DTWD2: variants seen among roughly 807,000 people sequenced by gnomAD.
DTWD2 encodes the protein DTW motif tRNA-uridine aminocarboxypropyltransferase 2.
DTWD2 carries 39 observed loss-of-function variants against 31.8 expected under a neutral mutation model. That is an observed-to-expected ratio of 1.22 (90% CI 0.95 to 1.60). DTWD2 has a LOEUF of 1.60. DTWD2 is among the 40% of genes most tolerant of loss of function. The pLI, the probability that DTWD2 is intolerant of heterozygous loss-of-function variation, is 0.00. For synonymous variants in DTWD2, 180 were observed against 142.8 expected, an observed-to-expected ratio of 1.26 and a Z score of -1.86; for missense variants, 515 against 381.5, an observed-to-expected ratio of 1.35 and a Z score of -2.92.
intron 1 of DTWD2, among the ~76,000 whole-genome samples, chr5:118,977,302 C>G (rs528863497): frequency 8.7e-4 from 132 of 152,286 alleles, no homozygotes; most frequent in African/African-American, 2.7e-3. Flanking sequence ...TCTCTCACCA[C>G]TGCTATTCAA....
At position 118,870,932 on chromosome 5, in the gene DTWD2, C is replaced by T. The variant is rs1002018940; in HGVS notation, c.598-22714G>A. ...TAATATTCTAAATCTTATATAATAACTTATATAATATATAATGTACATATA... is the reference window on the plus strand; with the variant it reads ...TAATATTCTAAATCTTATATAATAATTTATATAATATATAATGTACATATA... On this transcript the variant is annotated intron_variant, in intron 4 of 5. Coordinates refer to ENST00000510708, the MANE Select transcript of DTWD2 (RefSeq NM_173666.4). Among the ~76,000 whole-genome samples, 3 of 149,090 alleles carry T rather than the reference C, an allele frequency of 2.0e-5. 1 individual carries two copies. In the Admixed American group the frequency reaches 2.0e-4, roughly 10 times the overall value.
intron 1 of DTWD2, among the ~76,000 whole-genome samples, chr5:118,947,621 T>C (rs890464844): frequency 6.6e-5 from 10 of 152,090 alleles, no homozygotes; most frequent in Non-Finnish European, 4.4e-5. Flanking sequence ...GAACGGGCCA[T>C]GTGTGGTTTT....
At chr5:118,950,428 C>T (rs1466172808) in intron 1 of DTWD2, among the ~76,000 whole-genome samples, 2 of 152,092 alleles carry the variant, frequency 1.3e-5, no homozygotes, top group Non-Finnish European at 2.9e-5. Context: ...CCTCAAGCGC[C>T]TGTGATGGTC....
At chr5:118,900,893 C>G (rs1334678304) in intron 4 of DTWD2, among the ~76,000 whole-genome samples, 1 of 151,148 alleles carries the variant, frequency 6.6e-6, no homozygotes, top group African/African-American at 2.4e-5. Context: ...CCACTGCCCT[C>G]CAGCCTGGGC....
At chr5:118,899,684 T>C (rs773121157) in intron 4 of DTWD2, among the ~76,000 whole-genome samples, 3 of 152,154 alleles carry the variant, frequency 2.0e-5, no homozygotes, top group Admixed American at 6.6e-5. Context: ...ATTCCTGTCA[T>C]TATGCCCTCC....
intron 1 of DTWD2, among the ~76,000 whole-genome samples, chr5:118,954,787 C>T (rs1389746771): frequency 6.6e-6 from 1 of 152,160 alleles, no homozygotes; most frequent in African/African-American, 2.4e-5. Flanking sequence ...TCCCAAAGTG[C>T]TGAAGTTACA....
chr5:118,945,774 A>AAAAAGAAAG (rs1336464124), intron 1 of DTWD2, among the ~76,000 whole-genome samples: 2 of 134,260 alleles, frequency 1.5e-5, no homozygotes, highest in African/African-American at 5.7e-5. Context: ...CAAAAAAAAA[A>AAAAAGAAAG]AAAGAAAGAA....
At position 118,892,920 on chromosome 5, in the gene DTWD2, C is replaced by T. The variant is rs574508618; in HGVS notation, c.597+35617G>A. ...AACTGGTTGAATAACTGTAGTTTAT[C>T]CACTTACAGAATGTAAGAAAGAATA... On this transcript the variant is annotated intron_variant, in intron 4 of 5. Coordinates refer to ENST00000510708, the MANE Select transcript of DTWD2 (RefSeq NM_173666.4). 3.3e-5 allele frequency among the ~76,000 whole-genome samples: 5 copies of T among 151,958 alleles called. No homozygotes were observed. The East Asian group carries it at 7.7e-4, about 23-fold the overall frequency.
rs192332313 is a variant in DTWD2, at chr5:118,903,499, G to A, written c.597+25038C>T. Among the ~76,000 whole-genome samples, 105 of 151,970 alleles carry A rather than the reference G, an allele frequency of 6.9e-4. 3 individuals are homozygous for A. Among genetic ancestry groups the A allele is most frequent in the Admixed American group, 1.4e-3 (22 of 15,264 alleles). ...TTAAAGGGTTGAAAATATTCCAATT[G>A]CACACAGTGAAAATTAAATTATGCT... On this transcript the variant is annotated intron_variant, in intron 4 of 5. Coordinates refer to ENST00000510708, the MANE Select transcript of DTWD2 (RefSeq NM_173666.4).
chr5:118,891,562 C>T (rs904007664), intron 4 of DTWD2, among the ~76,000 whole-genome samples: 4 of 152,194 alleles, frequency 2.6e-5, no homozygotes, highest in African/African-American at 9.6e-5. Context: ...GAATAATGTA[C>T]TCCTCTGAAA....
chr5:118,985,619 T>C (rs1561483214), intron 1 of DTWD2, among the ~76,000 whole-genome samples: 1 of 151,318 alleles, frequency 6.6e-6, no homozygotes, highest in East Asian at 1.9e-4. Context: ...TTGGTGAACA[T>C]GCATCCTTTT....
At chr5:118,961,959 C>T (rs1754715949) in intron 1 of DTWD2, among the ~76,000 whole-genome samples, 1 of 152,114 alleles carries the variant, frequency 6.6e-6, no homozygotes, top group Non-Finnish European at 1.5e-5. Flanking sequence ...ATTTTCTTTG[C>T]TGCCAGGCGC....
rs758525367 is a variant in DTWD2 at position 118,988,523 on chromosome 5, C to T, written c.-12G>A. 7 of 1,529,480 alleles carry T rather than the reference C, an allele frequency of 4.6e-6. No individual in the cohort carries two copies. Among genetic ancestry groups the T allele is most frequent in the African/African-American group, 1.4e-5 (1 of 69,518 alleles). 94.7% of individuals were successfully genotyped at this position (1,529,480 alleles called of 1,614,324 possible). Reference sequence around the variant, plus strand: ...TTCTGCGACTCCATGGCGGACACTCCGGTCAGGCCGTGGCATTGAAGCCCG... The same window carrying T: ...TTCTGCGACTCCATGGCGGACACTCTGGTCAGGCCGTGGCATTGAAGCCCG... On this transcript the variant is annotated 5_prime_UTR_variant, in exon 1 of 6. Coordinates refer to ENST00000510708, the MANE Select transcript of DTWD2 (RefSeq NM_173666.4).
chr5:118,881,785 G>T (rs925051575), intron 4 of DTWD2, among the ~76,000 whole-genome samples: 5 of 152,140 alleles, frequency 3.3e-5, no homozygotes, highest in African/African-American at 7.2e-5. Flanking sequence ...TCACCATCAT[G>T]AGAATGGCAA....
At chr5:118,949,433 A>T (rs554775984) in intron 1 of DTWD2, among the ~76,000 whole-genome samples, 1 of 152,292 alleles carries the variant, frequency 6.6e-6, no homozygotes, top group East Asian at 1.9e-4. Context: ...ACAAGAGTGT[A>T]CGGGTTGGGC....
At chr5:118,860,484 A>G (rs973180870) in intron 4 of DTWD2, among the ~76,000 whole-genome samples, 10 of 152,058 alleles carry the variant, frequency 6.6e-5, no homozygotes, top group African/African-American at 2.4e-4. Flanking sequence ...GTCATTTGCT[A>G]TTTTAAGAAA....
chr5:118,947,779 G>A (rs1341287738), intron 1 of DTWD2, among the ~76,000 whole-genome samples: 2 of 152,094 alleles, frequency 1.3e-5, no homozygotes, highest in Non-Finnish European at 2.9e-5. Flanking sequence ...TGGGATTACA[G>A]GCATGAGCCA....
In DTWD2 at chr5:118,840,857, A is replaced by G; in HGVS notation, c.*60T>C. 1 of 1,550,286 alleles carries G rather than the reference A, an allele frequency of 6.5e-7. No individual in the cohort carries two copies. Among genetic ancestry groups the G allele is most frequent in the Non-Finnish European group, 8.7e-7 (1 of 1,150,032 alleles). On this transcript the variant is annotated 3_prime_UTR_variant, in exon 6 of 6. Coordinates refer to ENST00000510708, the MANE Select transcript of DTWD2 (RefSeq NM_173666.4). The stretch of plus-strand genomic sequence containing the variant: ...AAACCTACAGACCTTAACTATATGA[A>G]AACTTAATTTGGTATTGTTAGATGA...
chr5:118,909,016 C>T (rs1273854837), intron 4 of DTWD2, among the ~76,000 whole-genome samples: 2 of 152,178 alleles, frequency 1.3e-5, no homozygotes, highest in East Asian at 1.9e-4. Flanking sequence ...ATGAAGCCAA[C>T]GGTGCTTAGC....
Sources: allele counts gnomAD v4.1 joint callset (sites outside exome capture counted in the v4.1 genomes callset), GRCh38; gene constraint gnomAD v4.1.1; transcripts MANE v1.5; gene names NCBI Gene and HGNC (gene_info 2026-07-23, HGNC 2026-07-21).